Variants in CNTNAP2 observed in about 807,000 individuals in gnomAD.
CNTNAP2 encodes contactin-associated protein-like 2.
A neutral mutation model predicts 155.2 loss-of-function variants in CNTNAP2; 98 were observed. That is an observed-to-expected ratio of 0.63 (90% confidence interval 0.54 to 0.75). CNTNAP2 has a LOEUF of 0.75. CNTNAP2 is among the 30% of genes least tolerant of loss of function. CNTNAP2 has a pLI of 0.00. For synonymous variants in CNTNAP2, 651 were observed against 631.2 expected (o/e 1.03, Z -0.47); for missense variants, 1,727 against 1,688.1 (o/e 1.02, Z -0.40).
At chr7:146,292,609 G>A (rs1163564809) in intron 1 of CNTNAP2, among the ~76,000 whole-genome samples, 2 of 152,138 alleles carry the variant, frequency 1.3e-5, no homozygotes, top group Non-Finnish European at 2.9e-5. Flanking sequence ...CCATATGATT[G>A]AGCAATCCCA....
At chr7:146,335,202 T>A (rs571447515) in intron 1 of CNTNAP2, among the ~76,000 whole-genome samples, 1 of 152,286 alleles carries the variant, frequency 6.6e-6, no homozygotes, top group East Asian at 1.9e-4. Flanking sequence ...ATGTTGAGAG[T>A]TTTCATTATG....
intron 3 of CNTNAP2, among the ~76,000 whole-genome samples, chr7:146,956,998 A>G (rs969368114): frequency 6.6e-6 from 1 of 152,308 alleles, no homozygotes; most frequent in Non-Finnish European, 1.5e-5. Flanking sequence ...GAGATTTCTC[A>G]TCATGTGAGC....
intron 3 of CNTNAP2, among the ~76,000 whole-genome samples, chr7:146,895,316 C>T (rs779128694): frequency 1.3e-5 from 2 of 150,192 alleles, no homozygotes; most frequent in Admixed American, 6.7e-5. Flanking sequence ...TTCCTTCCTC[C>T]GTCCTTCCCT....
chr7:146,725,324 A>G (rs541494221), intron 1 of CNTNAP2, among the ~76,000 whole-genome samples: 1 of 152,194 alleles, frequency 6.6e-6, no homozygotes, highest in African/African-American at 2.4e-5. Flanking sequence ...TGCAGACATT[A>G]TAACAGTGAG....
At chr7:148,031,803 G>A (rs138897060) in intron 15 of CNTNAP2, among the ~76,000 whole-genome samples, 2 of 152,242 alleles carry the variant, frequency 1.3e-5, no homozygotes, top group East Asian at 3.9e-4. Flanking sequence ...TCTCTGAAGT[G>A]AATGGCAGTA....
At chr7:147,163,698 T>A (rs1496537) in intron 8 of CNTNAP2, among the ~76,000 whole-genome samples, 65 of 151,830 alleles carry the variant, frequency 4.3e-4, no homozygotes, top group African/African-American at 1.4e-3. Flanking sequence ...AGCTCACAAG[T>A]TAGGTGTGAA....
intron 8 of CNTNAP2, among the ~76,000 whole-genome samples, chr7:147,238,053 C>T (rs1292836488): frequency 6.6e-6 from 1 of 152,182 alleles, no homozygotes; most frequent in Non-Finnish European, 1.5e-5. Flanking sequence ...CTCGCTCTGT[C>T]GCCCAGGCTG....
intron 11 of CNTNAP2, among the ~76,000 whole-genome samples, chr7:147,533,368 T>C (rs1311096328): frequency 6.6e-6 from 1 of 152,118 alleles, no homozygotes; most frequent in African/African-American, 2.4e-5. Flanking sequence ...CTCATAAATA[T>C]GAAACCTTTG....
intron 4 of CNTNAP2, among the ~76,000 whole-genome samples, chr7:147,073,413 G>A (rs1177100426): frequency 2.6e-5 from 4 of 151,902 alleles, no homozygotes; most frequent in African/African-American, 4.8e-5. Flanking sequence ...GTGCCTTTAC[G>A]GCATCTACAA....
intron 1 of CNTNAP2, among the ~76,000 whole-genome samples, chr7:146,409,859 A>G (rs947826182): frequency 6.6e-6 from 1 of 152,184 alleles, no homozygotes; most frequent in Non-Finnish European, 1.5e-5. Flanking sequence ...AATTCTTTAC[A>G]TCCTTGACAT....
At chr7:147,054,084 C>T (rs1799517435) in intron 4 of CNTNAP2, among the ~76,000 whole-genome samples, 1 of 152,132 alleles carries the variant, frequency 6.6e-6, no homozygotes, top group Non-Finnish European at 1.5e-5. Context: ...TACCTCTCTC[C>T]TCTGGTTCAT....
chr7:146,765,984 C>A (rs768509135), intron 1 of CNTNAP2, among the ~76,000 whole-genome samples: 2 of 151,930 alleles, frequency 1.3e-5, no homozygotes, highest in Admixed American at 1.3e-4. Context: ...AATAAAATAG[C>A]GCCAGAGATA....
At position 146,396,623 on chromosome 7, in the gene CNTNAP2, G is replaced by A. The variant is rs770890071; in HGVS notation, c.97+279650G>A. ...TAGCAATGCTGCAGAATTAAAAGTC[G>A]CATTATTATTACACAAACATTTTGC... On this transcript the variant is annotated intron_variant, in intron 1 of 23. Transcript: ENST00000361727. 3.1e-4 allele frequency among the ~76,000 whole-genome samples: 47 copies of A among 151,544 alleles called. 1 individual carries two copies. The highest frequency in any genetic ancestry group is 4.6e-4 in the Admixed American group (7 of 15,198).
At chr7:147,609,481 A>G (rs1267695568) in intron 12 of CNTNAP2, among the ~76,000 whole-genome samples, 1 of 152,190 alleles carries the variant, frequency 6.6e-6, no homozygotes, top group Non-Finnish European at 1.5e-5. Flanking sequence ...CAGTGAGCCA[A>G]GATCACACCA....
chr7:147,738,994 C>G (rs555596322), intron 13 of CNTNAP2, among the ~76,000 whole-genome samples: 3 of 152,076 alleles, frequency 2.0e-5, no homozygotes, highest in African/African-American at 7.2e-5. Flanking sequence ...CCAAAAAATT[C>G]CTGTGACTGT....
In CNTNAP2 at chr7:147,006,867, G is replaced by A. The variant is rs149434086; in HGVS notation, c.403-37040G>A. Among the ~76,000 whole-genome samples, 540 of 152,110 alleles carry A rather than the reference G, an allele frequency of 3.6e-3. 9 individuals are homozygous for A. Among genetic ancestry groups the A allele is most frequent in the African/African-American group, 0.012 (506 of 41,508 alleles). ...GAATTCTGCCAAGTGACACACAGGG[G>A]CAATTCAGCAATGGCAATGTTTATT... On this transcript the variant is annotated intron_variant, in intron 3 of 23. Transcript: ENST00000361727.
At chr7:147,031,227 G>T (rs1410818142) in intron 3 of CNTNAP2, among the ~76,000 whole-genome samples, 1 of 151,906 alleles carries the variant, frequency 6.6e-6, no homozygotes, top group Non-Finnish European at 1.5e-5. Flanking sequence ...GAAGGATAAA[G>T]AAAAAATTAT....
At chr7:147,453,969 T>C (rs1439390961) in intron 10 of CNTNAP2, among the ~76,000 whole-genome samples, 2 of 151,704 alleles carry the variant, frequency 1.3e-5, no homozygotes, top group African/African-American at 4.8e-5. Context: ...CGCCATGTTC[T>C]CTTATTTGTT....
chr7:146,410,880 C>A (rs946838965), intron 1 of CNTNAP2, among the ~76,000 whole-genome samples: 1 of 152,146 alleles, frequency 6.6e-6, no homozygotes, highest in African/African-American at 2.4e-5. Context: ...TCTTTCTGTG[C>A]CTGGCTTACT....
Sources: gnomAD v4.1 joint callset for allele counts (sites outside exome capture counted in the v4.1 genomes callset) on GRCh38, gnomAD v4.1.1 for gene constraint, MANE v1.5 for transcripts, NCBI Gene and HGNC (gene_info 2026-07-23, HGNC 2026-07-21) for gene names.